Variants in WBP2NL observed in about 807,000 individuals in gnomAD.
WBP2NL encodes WBP2 N-terminal like, also known as postacrosomal sheath WW domain-binding protein.
Under a neutral mutation model 23.3 loss-of-function variants are expected in WBP2NL, and 27 were observed. The ratio of observed to expected loss-of-function variants is 1.16; its 90% CI spans 0.85 to 1.60. The LOEUF (loss-of-function observed/expected upper bound fraction) is 1.60. Ranked by LOEUF, WBP2NL falls within the 40% of genes most tolerant of loss-of-function variation. WBP2NL has a pLI of 0.00. For synonymous variants in WBP2NL, 151 were observed against 145.9 expected (o/e 1.03, Z -0.25); for missense variants, 370 against 389.5 (o/e 0.95, Z 0.42).
chr22:42,032,973 C>T (rs148349134), downstream of WBP2NL: 1 of 184,116 alleles, frequency 5.4e-6, no homozygotes, highest in East Asian at 1.7e-4. Flanking sequence ...GGCCAGAAAC[C>T]TCTGTGGACA....
intron 3 of WBP2NL, 28 bp from the exon 4 acceptor site, chr22:42,019,976 G>A (rs1602457891): frequency 3.1e-6 from 5 of 1,609,578 alleles, no homozygotes; most frequent in Non-Finnish European, 4.2e-6. Context: ...CCAGTTTCTT[G>A]GTGAGTGTGT....
Position 42,019,343 on chromosome 22 carries a change from C to A in WBP2NL, c.95C>A (p.Ser32Tyr), listed in dbSNP as rs1392462298. The A allele has an allele frequency of 6.2e-7, 1 of 1,614,162 alleles. No individual in the cohort carries two copies. Among genetic ancestry groups the A allele is most frequent in the Non-Finnish European group, 8.5e-7 (1 of 1,180,042 alleles). Residue 32 changes from serine to tyrosine, a missense_variant, in exon 2 of 6, where the codon TCC becomes TAC. Transcript: ENST00000328823. ...AAGCGGTCTCCGAATGTGGAGCTCT[C>A]CTTCCCACAGCGATCAGAAGGCTCA... is the stretch of plus-strand genomic sequence containing the variant. ...LLKRSPNVEL[S>Y]FPQRSEGSNV...
At chr22:42,020,836 T>C (rs1400150472) in intron 4 of WBP2NL, among the ~76,000 whole-genome samples, 1 of 127,038 alleles carries the variant, frequency 7.9e-6, no homozygotes, top group East Asian at 2.6e-4. Flanking sequence ...CTACAAATAA[T>C]TTTTTTATCT....
At chr22:42,028,695 A>G (rs546506294), downstream of WBP2NL, among the ~76,000 whole-genome samples, 1 of 152,358 alleles carries the variant, frequency 6.6e-6, no homozygotes, top group Admixed American at 6.5e-5. Flanking sequence ...CAAATAAAAC[A>G]AAGTTTAGTC....
intron 1 of WBP2NL, among the ~76,000 whole-genome samples, chr22:42,006,578 TC>T (rs1168838781): frequency 1.3e-5 from 2 of 152,202 alleles, no homozygotes; most frequent in Non-Finnish European, 2.9e-5. Context: ...CACCCATTTT[TC>T]TTCTGTTAAA....
At chr22:42,057,354 A>G (rs974130133) in intron 8 of WBP2NL, among the ~76,000 whole-genome samples, 1 of 151,806 alleles carries the variant, frequency 6.6e-6, no homozygotes, top group African/African-American at 2.4e-5. Context: ...GTACTTTCCA[A>G]CTTCAGAATT....
intron 5 of WBP2NL, among the ~76,000 whole-genome samples, chr22:42,024,846 A>G (rs1204388440): frequency 1.4e-5 from 2 of 145,508 alleles, no homozygotes; most frequent in Non-Finnish European, 3.0e-5. Flanking sequence ...TCTGTCACCC[A>G]GGCTGGAGTG....
At chr22:42,048,169 C>A (rs1205013407) in intron 8 of WBP2NL, among the ~76,000 whole-genome samples, 2 of 151,706 alleles carry the variant, frequency 1.3e-5, no homozygotes, top group Middle Eastern at 3.4e-3. Context: ...CACCTGTAAT[C>A]CCAGCACTTT....
Position 42,052,316 on chromosome 22 carries a change from T to G in WBP2NL, c.*274-5974T>G, listed in dbSNP as rs376960092. On this transcript the variant is annotated intron_variant and NMD_transcript_variant, in intron 8 of 8. Coordinates refer to the WBP2NL transcript ENST00000436265. ...TCTTTTTTTTGAGATGGAGTCTGGC[T>G]CTGTCACCCAGGCTGGAGTACAGTG... Among the ~76,000 whole-genome samples, 7 of 152,214 alleles carry G rather than the reference T, an allele frequency of 4.6e-5. No homozygotes were observed. In the East Asian group the frequency reaches 1.4e-3, roughly 29 times the overall value.
intron 8 of WBP2NL, among the ~76,000 whole-genome samples, chr22:42,047,097 G>A (rs1169693515): frequency 6.6e-6 from 1 of 152,004 alleles, no homozygotes. Context: ...GCAATATCTG[G>A]TATGTTGCAA....
intron 1 of WBP2NL, among the ~76,000 whole-genome samples, chr22:42,013,396 A>G (rs1442209369): frequency 6.6e-6 from 1 of 150,636 alleles, no homozygotes; most frequent in Non-Finnish European, 1.5e-5. Flanking sequence ...CAAAAAAAAA[A>G]AAAAGAAAAA....
At chr22:42,004,992 G>A (rs1922077842) in intron 1 of WBP2NL, among the ~76,000 whole-genome samples, 1 of 151,914 alleles carries the variant, frequency 6.6e-6, no homozygotes, top group Non-Finnish European at 1.5e-5. Context: ...GCCAAGGTGG[G>A]CAGATCACAA....
rs1569449450 is a variant in WBP2NL at position 42,019,365 on chromosome 22, C to T, written c.117C>T (p.Gly39=). ...TCTCCTTCCCACAGCGATCAGAAGG[C>T]TCAAATGTCTTTAGTGGTAGAAAGA... ...VELSFPQRSE[G]SNVFSGRKTG... is the part of the protein sequence containing the mutation. Residue 39 remains glycine (G), a synonymous_variant, in exon 2 of 6, where the codon GGC becomes GGT. Transcript: ENST00000328823. 6.2e-7 allele frequency: 1 copy of T among 1,614,092 alleles called. No homozygotes were observed. Among genetic ancestry groups the T allele is most frequent in the Non-Finnish European group, 8.5e-7 (1 of 1,180,048 alleles).
At chr22:42,036,681 A>G (rs749736077), downstream of WBP2NL, among the ~76,000 whole-genome samples, 2 of 152,186 alleles carry the variant, frequency 1.3e-5, no homozygotes, top group Non-Finnish European at 2.9e-5. Context: ...GATGATTACA[A>G]ATGTTGAACA....
intron 8 of WBP2NL, among the ~76,000 whole-genome samples, chr22:42,043,755 C>T (rs1452266298): frequency 6.6e-6 from 1 of 150,964 alleles, no homozygotes; most frequent in Admixed American, 6.6e-5. Context: ...GAGATGGAGT[C>T]TTGCTCTGTT....
chr22:42,036,028 T>G (rs1252236427), downstream of WBP2NL, among the ~76,000 whole-genome samples: 1 of 152,244 alleles, frequency 6.6e-6, no homozygotes, highest in Non-Finnish European at 1.5e-5. Flanking sequence ...GTTTTGTATG[T>G]GTGTATAATC....
chr22:42,024,364 G>A lies in WBP2NL; in HGVS notation c.514+2008G>A, dbSNP rs1300504491. 3.9e-5 allele frequency among the ~76,000 whole-genome samples: 6 copies of A among 152,106 alleles called. No individual in the cohort carries two copies. In the South Asian group the frequency reaches 1.0e-3, roughly 26 times the overall value. On this transcript the variant is annotated intron_variant, in intron 5 of 5. Coordinates refer to ENST00000328823, the MANE Select transcript of WBP2NL (RefSeq NM_152613.3). ...TCTCCTGGATATGCATCTTGGAGTG[G>A]AATTTCTGGGTCATATGTAAATTCT...
Position 42,027,204 on chromosome 22 carries a change from A to C in WBP2NL, c.*23A>C, listed in dbSNP as rs1312454426. On this transcript the variant is annotated 3_prime_UTR_variant, in exon 6 of 6. Coordinates refer to ENST00000328823, the MANE Select transcript of WBP2NL (RefSeq NM_152613.3). ...TAACCTTCTAAGATGTAAACCTTGA[A>C]GACTCACCAAGCAAAGAGGTACCCT... 3.2e-6 allele frequency: 5 copies of C among 1,575,420 alleles called. No individual in the cohort carries two copies. The highest frequency in any genetic ancestry group is 4.3e-6 in the Non-Finnish European group (5 of 1,162,118).
At chr22:42,032,439 T>G (rs1167493386), downstream of WBP2NL, 1 of 203,024 alleles carries the variant, frequency 4.9e-6, no homozygotes, top group African/African-American at 2.3e-5. Flanking sequence ...CCTCTATCTC[T>G]TAAGCATCTA....
Sources: gnomAD v4.1 joint callset for allele counts (sites outside exome capture counted in the v4.1 genomes callset) on GRCh38, gnomAD v4.1.1 for gene constraint, MANE v1.5 for transcripts, NCBI Gene and HGNC (gene_info 2026-07-23, HGNC 2026-07-21) for gene names.